The following CRTC3 variants were observed in gnomAD, a reference collection of about 807,000 sequenced individuals.
The protein encoded by CRTC3 is CREB-regulated transcription coactivator 3.
In CRTC3, 26 loss-of-function variants were observed where a neutral mutation model predicts 74.5. That is an observed-to-expected ratio of 0.35 (90% CI 0.26 to 0.48). The LOEUF is 0.48. CRTC3 is among the 20% of genes least tolerant of loss of function. The pLI, the probability that CRTC3 is intolerant of heterozygous loss-of-function variation, is 0.99. For missense variants in CRTC3, 760 were observed against 787.3 expected, an observed-to-expected ratio of 0.97 and a Z score of 0.41; for synonymous variants, 377 against 325.8, an observed-to-expected ratio of 1.16 and a Z score of -1.69.
Position 90,643,546 on chromosome 15 carries a change from T to C in CRTC3, c.*1406T>C, listed in dbSNP as rs189710519. The C allele has an allele frequency of 3.1e-5, 7 of 229,272 alleles. No individual in the cohort carries two copies. The highest frequency in any genetic ancestry group is 2.8e-4 in the Admixed American group (5 of 17,692). 14.2% of individuals were successfully genotyped at this position (229,272 alleles called of 1,614,324 possible). A position where few individuals can be genotyped will look rare whatever the true frequency, so the allele number is the denominator to read the frequency against. ...ACGTTTGGCTCTAAATTGCTTCAAG[T>C]AGAGATTCATTCTTTGAGGTTGAAA... On this transcript the variant is annotated 3_prime_UTR_variant, in exon 15 of 15. Transcript: ENST00000268184.
chr15:90,568,263 G>C (rs1967171321), intron 2 of CRTC3, among the ~76,000 whole-genome samples: 1 of 152,214 alleles, frequency 6.6e-6, no homozygotes, highest in Admixed American at 6.5e-5. Context: ...TCTACTCCTG[G>C]TGAAGATGTT....
At chr15:90,637,094 C>T (rs2151097058) in intron 11 of CRTC3, among the ~76,000 whole-genome samples, 2 of 152,348 alleles carry the variant, frequency 1.3e-5, no homozygotes, top group South Asian at 4.1e-4. Context: ...GCTATAAAAA[C>T]ACATGCACAC....
chr15:90,574,232 A>T (rs1421236925), intron 2 of CRTC3, among the ~76,000 whole-genome samples: 2 of 152,168 alleles, frequency 1.3e-5, no homozygotes, highest in African/African-American at 4.8e-5. Context: ...TAATCCCAGC[A>T]CTTTGGGAGG....
intron 11 of CRTC3, among the ~76,000 whole-genome samples, chr15:90,634,033 TAATAGAATTTTCCTAA>T (rs1969142029): frequency 6.6e-6 from 1 of 152,148 alleles, no homozygotes; most frequent in African/African-American, 2.4e-5. Flanking sequence ...TTATTTTCTA[TAATAGAATTTTCCTAA>T]ATTGCATAAA....
intron 7 of CRTC3, 111 bp from the exon 8 acceptor site, chr15:90,617,772 C>T (rs1313823836): frequency 7.3e-6 from 5 of 684,542 alleles, no homozygotes; most frequent in East Asian, 2.8e-5. Context: ...CTCAAGCGAT[C>T]CTCCTGCCTC....
At chr15:90,555,387 T>C (rs1258845537) in intron 2 of CRTC3, among the ~76,000 whole-genome samples, 1 of 152,222 alleles carries the variant, frequency 6.6e-6, no homozygotes, top group East Asian at 1.9e-4. Context: ...TAAGATATTA[T>C]CTGGTTTATG....
intron 8 of CRTC3, among the ~76,000 whole-genome samples, chr15:90,618,973 T>G (rs1968566634): frequency 6.6e-6 from 1 of 152,166 alleles, no homozygotes; most frequent in African/African-American, 2.4e-5. Context: ...CAGGGACTGG[T>G]CTCTGGAAAG....
intron 2 of CRTC3, among the ~76,000 whole-genome samples, chr15:90,549,285 G>GGTGTGT (rs35240328): frequency 2.7e-5 from 4 of 150,522 alleles, no homozygotes; most frequent in African/African-American, 9.8e-5. Flanking sequence ...CTTTGTTCAT[G>GGTGTGT]GTGTGTGTGT....
chr15:90,600,915 G>A (rs570547097), intron 3 of CRTC3, among the ~76,000 whole-genome samples: 1 of 152,312 alleles, frequency 6.6e-6, no homozygotes, highest in East Asian at 1.9e-4. Context: ...CATAGGAGGT[G>A]AGAAAGGGGA....
intron 2 of CRTC3, among the ~76,000 whole-genome samples, chr15:90,591,170 C>T (rs1967791712): frequency 6.6e-6 from 1 of 151,486 alleles, no homozygotes; most frequent in Non-Finnish European, 1.5e-5. Context: ...TGCAGTGTTA[C>T]CCAGGCTGGT....
In CRTC3 at chr15:90,614,493, G is replaced by A; in HGVS notation, c.613+5G>A. 1.3e-6 allele frequency: 2 copies of A among 1,599,614 alleles called. No homozygotes were observed. Among genetic ancestry groups the A allele is most frequent in the Non-Finnish European group, 1.7e-6 (2 of 1,167,170 alleles). On this transcript the variant is annotated splice_donor_5th_base_variant and intron_variant, in intron 7 of 14. Coordinates refer to ENST00000268184, the MANE Select transcript of CRTC3 (RefSeq NM_022769.5). ...AGAATAATGGACATGGGGAAGGTAT[G>A]AACTGATTTTACCTACCTATATTGG...
intron 2 of CRTC3, among the ~76,000 whole-genome samples, chr15:90,571,187 C>T (rs1318149599): frequency 2.0e-5 from 3 of 152,088 alleles, no homozygotes; most frequent in Non-Finnish European, 4.4e-5. Context: ...AACTTCAGTC[C>T]AGTGGGAGAG....
rs1032301837 is a variant in CRTC3, at chr15:90,642,617, G to A, written c.*477G>A. On this transcript the variant is annotated 3_prime_UTR_variant, in exon 15 of 15. Transcript: ENST00000268184. ...CCTGCTCTGACCTGACCCAGAGGGCGAGGCCCTCCAGCGGGGGACATTCCC... is the reference window on the plus strand; with the variant it reads ...CCTGCTCTGACCTGACCCAGAGGGCAAGGCCCTCCAGCGGGGGACATTCCC... 5 of 248,576 alleles carry A rather than the reference G, an allele frequency of 2.0e-5. No homozygotes were observed. The East Asian group carries it at 2.3e-4, about 12-fold the overall frequency. The allele number at this position is 248,576 out of a possible 1,614,324, so 15.4% of individuals were successfully genotyped here.
chr15:90,533,542 G>T (rs1966669224), intron 1 of CRTC3, among the ~76,000 whole-genome samples: 1 of 152,126 alleles, frequency 6.6e-6, no homozygotes, highest in African/African-American at 2.4e-5. Context: ...TTGTTAATGG[G>T]GTGTGTGTTT....
chr15:90,637,417 A>C (rs1045969387), intron 11 of CRTC3, among the ~76,000 whole-genome samples: 1 of 152,166 alleles, frequency 6.6e-6, no homozygotes, highest in East Asian at 1.9e-4. Flanking sequence ...GATGCGGGGA[A>C]GGGGGAGGGA....
At chr15:90,589,261 T>C (rs1463254729) in intron 2 of CRTC3, among the ~76,000 whole-genome samples, 1 of 152,194 alleles carries the variant, frequency 6.6e-6, no homozygotes, top group Non-Finnish European at 1.5e-5. Flanking sequence ...TTCACCGTGT[T>C]GACCAGGCTG....
rs554406063 is a variant in CRTC3 at position 90,559,674 on chromosome 15, G to C, written c.231+19537G>C. The stretch of plus-strand genomic sequence containing the variant: ...AGGTCTCACTCTGTCAGTCAGGCTG[G>C]TGTGCAATAGTGTGATCTTGGCTCA... On this transcript the variant is annotated intron_variant, in intron 2 of 14. Transcript: ENST00000268184. Among the ~76,000 whole-genome samples, 39 of 152,248 alleles carry C rather than the reference G, an allele frequency of 2.6e-4. 1 individual carries two copies. The highest frequency in any genetic ancestry group is 9.1e-4 in the African/African-American group (38 of 41,552).
intron 7 of CRTC3, among the ~76,000 whole-genome samples, chr15:90,615,444 A>G (rs531847431): frequency 5.8e-4 from 88 of 152,272 alleles, no homozygotes; most frequent in Non-Finnish European, 1.1e-3. Flanking sequence ...TAGGGGGGAC[A>G]TGATGAATGA....
chr15:90,549,032 CACTT>C (rs1452782664), intron 2 of CRTC3, among the ~76,000 whole-genome samples: 3 of 152,180 alleles, frequency 2.0e-5, no homozygotes, highest in Non-Finnish European at 4.4e-5. Context: ...ATAAATGTAA[CACTT>C]GCTTATTACA....
Sources: allele counts gnomAD v4.1 joint callset (sites outside exome capture counted in the v4.1 genomes callset), GRCh38; gene constraint gnomAD v4.1.1; transcripts MANE v1.5; gene names NCBI Gene and HGNC (gene_info 2026-07-23, HGNC 2026-07-21).